Variants in CADM1 observed in about 807,000 individuals in gnomAD.
CADM1 encodes the protein TSLC-1.
CADM1 carries 15 observed loss-of-function variants against 53.1 expected under a neutral mutation model. That is an observed-to-expected ratio of 0.28 (90% confidence interval 0.19 to 0.44). The LOEUF (loss-of-function observed/expected upper bound fraction) is 0.44, where lower values mean the gene tolerates loss of function less well. Among genes scored for constraint, CADM1 ranks in the 20% least tolerant of loss-of-function variants. The pLI, the probability that CADM1 is intolerant of heterozygous loss-of-function variation, is 1.00. For missense variants in CADM1, 434 were observed against 611.3 expected (o/e 0.71, Z 3.06); for synonymous variants, 281 against 243.0 (o/e 1.16, Z -1.45).
chr11:115,326,947 A>G (rs1442234696), intron 1 of CADM1, among the ~76,000 whole-genome samples: 1 of 152,208 alleles, frequency 6.6e-6, no homozygotes, highest in Non-Finnish European at 1.5e-5. Context: ...CCACCGGGCT[A>G]TACTTTCTAA....
At chr11:115,251,142 G>A (rs1345600776) in intron 1 of CADM1, among the ~76,000 whole-genome samples, 1 of 152,192 alleles carries the variant, frequency 6.6e-6, no homozygotes, top group African/African-American at 2.4e-5. Flanking sequence ...TTAGAGAGGA[G>A]ATGTCTGTTC....
chr11:115,324,896 C>T (rs370044196), intron 1 of CADM1, among the ~76,000 whole-genome samples: 7 of 152,152 alleles, frequency 4.6e-5, no homozygotes, highest in East Asian at 3.9e-4. Flanking sequence ...CTCTTCTTCA[C>T]TGGTATTGGC....
In CADM1 at chr11:115,231,504, A is replaced by G. The variant is rs11607928; in HGVS notation, c.425-14T>C. The stretch of plus-strand genomic sequence containing the variant: ...TACGTGGTGGGACTACAAATTAAAC[A>G]TATGTGCTTTATAAACACAGAATGC... On this transcript the variant is annotated splice_polypyrimidine_tract_variant and intron_variant, in intron 3 of 11. Coordinates refer to ENST00000331581, the MANE Select transcript of CADM1 (RefSeq NM_001301043.2). 704,220 of 1,610,632 alleles carry G rather than the reference A, an allele frequency of 0.44. 162,686 individuals are homozygous for G. Among genetic ancestry groups the G allele is most frequent in the Non-Finnish European group, 0.48 (562,007 of 1,176,822 alleles).
intron 1 of CADM1, among the ~76,000 whole-genome samples, chr11:115,491,992 T>C (rs1949508045): frequency 6.6e-6 from 1 of 152,202 alleles, no homozygotes; most frequent in Admixed American, 6.5e-5. Context: ...AAATACCTAA[T>C]GTAAATGACG....
At chr11:115,307,509 A>G (rs946778160) in intron 1 of CADM1, among the ~76,000 whole-genome samples, 2 of 73,350 alleles carry the variant, frequency 2.7e-5, no homozygotes, top group Non-Finnish European at 4.9e-5. Context: ...TTAAGCCAGG[A>G]AAAAAAAAAT....
chr11:115,188,034 G>C lies in CADM1; in HGVS notation c.1165+2854C>G, dbSNP rs77253802. Among the ~76,000 whole-genome samples the C allele has an allele frequency of 9.8e-3, 1,491 of 152,184 alleles. 25 individuals are homozygous for C. Among genetic ancestry groups the C allele is most frequent in the African/African-American group, 0.034 (1,431 of 41,520 alleles). On this transcript the variant is annotated intron_variant, in intron 10 of 11. Transcript: ENST00000331581. The stretch of plus-strand genomic sequence containing the variant: ...AAATCAGAAGACTGATGGATTTCTT[G>C]AACTGTGCTGGAGGGCCATTTTCTG...
chr11:115,447,454 A>G (rs564324679), intron 1 of CADM1, among the ~76,000 whole-genome samples: 1 of 152,300 alleles, frequency 6.6e-6, no homozygotes, highest in South Asian at 2.1e-4. Context: ...ATTGCCTCTC[A>G]GCTTCAAAAT....
At chr11:115,398,064 A>G (rs1387150840) in intron 1 of CADM1, among the ~76,000 whole-genome samples, 2 of 152,132 alleles carry the variant, frequency 1.3e-5, no homozygotes, top group African/African-American at 2.4e-5. Flanking sequence ...CTACTCATAA[A>G]CCAGTAAACA....
intron 1 of CADM1, among the ~76,000 whole-genome samples, chr11:115,476,234 G>A (rs1253915643): frequency 6.6e-6 from 1 of 152,048 alleles, no homozygotes; most frequent in Non-Finnish European, 1.5e-5. Context: ...AGAGTCTCAA[G>A]AATATAACTT....
intron 1 of CADM1, among the ~76,000 whole-genome samples, chr11:115,307,517 AATAT>A (rs1555060903): frequency 6.9e-6 from 1 of 144,260 alleles, no homozygotes; most frequent in East Asian, 2.1e-4. Context: ...GGAAAAAAAA[AATAT>A]ATATATATAT....
At chr11:115,194,679 A>G (rs1940063732) in intron 9 of CADM1, among the ~76,000 whole-genome samples, 1 of 152,114 alleles carries the variant, frequency 6.6e-6, no homozygotes. Flanking sequence ...CACAGAGAGA[A>G]AGAGAGAGAG....
chr11:115,206,848 G>C (rs1940723731), intron 8 of CADM1, among the ~76,000 whole-genome samples: 1 of 135,400 alleles, frequency 7.4e-6, no homozygotes, highest in Admixed American at 8.5e-5. Flanking sequence ...TAAGGCTAAT[G>C]GTGGCTGTAA....
chr11:115,434,594 TTG>T (rs1356122274), intron 1 of CADM1, among the ~76,000 whole-genome samples: 1 of 152,144 alleles, frequency 6.6e-6, no homozygotes, highest in Non-Finnish European at 1.5e-5. Flanking sequence ...CATAGAAATC[TTG>T]TGAGGACTAA....
intron 2 of CADM1, 99 bp from the exon 3 acceptor site, chr11:115,238,751 GACTT>G (rs2134901596): frequency 7.7e-7 from 1 of 1,298,360 alleles, no homozygotes; most frequent in East Asian, 2.4e-5. Flanking sequence ...GATACTTCTT[GACTT>G]ACTATTTTGG....
intron 1 of CADM1, among the ~76,000 whole-genome samples, chr11:115,386,830 G>C (rs1162906224): frequency 6.6e-6 from 1 of 152,158 alleles, no homozygotes; most frequent in Non-Finnish European, 1.5e-5. Context: ...AGCAACATGT[G>C]ATCAAGAGCT....
chr11:115,201,814 G>C (rs572827100), intron 8 of CADM1, among the ~76,000 whole-genome samples: 1 of 152,156 alleles, frequency 6.6e-6, no homozygotes, highest in South Asian at 2.1e-4. Context: ...AAAAGGCCTA[G>C]CTGAGCTACT....
chr11:115,398,251 A>T (rs1383323654), intron 1 of CADM1, among the ~76,000 whole-genome samples: 1 of 152,216 alleles, frequency 6.6e-6, no homozygotes, highest in Non-Finnish European at 1.5e-5. Flanking sequence ...AAAGGCTTTT[A>T]AAATAATTTA....
intron 1 of CADM1, among the ~76,000 whole-genome samples, chr11:115,402,453 G>A (rs1947184595): frequency 6.6e-6 from 1 of 152,164 alleles, no homozygotes. Flanking sequence ...AACCCGGGAG[G>A]CGGAGGTTGC....
chr11:115,234,714 G>A (rs968534070), intron 3 of CADM1, among the ~76,000 whole-genome samples: 4 of 151,904 alleles, frequency 2.6e-5, no homozygotes, highest in African/African-American at 9.7e-5. Context: ...CCAACATGGT[G>A]AAACCCTGTC....
Sources: gnomAD v4.1 joint callset for allele counts (sites outside exome capture counted in the v4.1 genomes callset) on GRCh38, gnomAD v4.1.1 for gene constraint, MANE v1.5 for transcripts, NCBI Gene and HGNC (gene_info 2026-07-23, HGNC 2026-07-21) for gene names.